QRSL1: variants seen among roughly 807,000 people sequenced by gnomAD.
The protein encoded by QRSL1 is glutamyl-tRNA(Gln) amidotransferase subunit A, mitochondrial.
QRSL1 carries 54 observed loss-of-function variants against 61.6 expected under a neutral mutation model. The observed-to-expected ratio is 0.88, with a 90% CI of 0.70 to 1.10. The LOEUF is 1.10. QRSL1 is among the 50% of genes least tolerant of loss of function. The probability of loss-of-function intolerance (pLI) is 0.00; values close to 1 mark genes in which losing one functional copy is unlikely to be tolerated. For missense variants in QRSL1, 505 were observed against 622.6 expected (o/e 0.81, Z 2.01); for synonymous variants, 228 against 225.7 (o/e 1.01, Z -0.09).
chr6:106,664,334 G>A (rs145748628), intron 10 of QRSL1, among the ~76,000 whole-genome samples: 1 of 152,308 alleles, frequency 6.6e-6, no homozygotes, highest in East Asian at 1.9e-4. Context: ...GAAAAGGAAA[G>A]TCTATTACAT....
chr6:106,643,562 C>G (rs752615326), intron 4 of QRSL1, among the ~76,000 whole-genome samples: 2 of 152,006 alleles, frequency 1.3e-5, no homozygotes, highest in Non-Finnish European at 2.9e-5. Context: ...TGCCTGTAAT[C>G]CCAGCTACTT....
chr6:106,646,010 G>A (rs1393493935), intron 4 of QRSL1, among the ~76,000 whole-genome samples: 1 of 152,110 alleles, frequency 6.6e-6, no homozygotes, highest in African/African-American at 2.4e-5. Context: ...TCCTTGCCTT[G>A]ATCTTGATCT....
At chr6:106,642,319 G>A (rs1176049619) in intron 3 of QRSL1, 5 of 295,960 alleles carry the variant, frequency 1.7e-5, no homozygotes, top group Middle Eastern at 2.3e-3. Flanking sequence ...GCCTCCCAAA[G>A]TTTTGGGATT....
intron 4 of QRSL1, among the ~76,000 whole-genome samples, chr6:106,644,982 A>C (rs1411367790): frequency 6.6e-6 from 1 of 152,196 alleles, no homozygotes; most frequent in African/African-American, 2.4e-5. Flanking sequence ...CTCCAGCACT[A>C]ATAATAAAAA....
In QRSL1 at chr6:106,659,357, C is replaced by T. The variant is rs1012244501; in HGVS notation, c.1161-3623C>T. Among the ~76,000 whole-genome samples, 6 of 151,518 alleles carry T rather than the reference C, an allele frequency of 4.0e-5. No individual in the cohort carries two copies. In the East Asian group the frequency reaches 5.8e-4, roughly 15 times the overall value. On this transcript the variant is annotated intron_variant, in intron 9 of 10. Coordinates refer to ENST00000369046, the MANE Select transcript of QRSL1 (RefSeq NM_018292.5). Reference sequence around the variant, plus strand: ...GCGTATGCCTGTAATTCCAGCTACTCGGGAGGCCAAGGTACAAGAATCACT... The same window carrying T: ...GCGTATGCCTGTAATTCCAGCTACTTGGGAGGCCAAGGTACAAGAATCACT...
chr6:106,637,273 A>T (rs113466807), intron 1 of QRSL1, among the ~76,000 whole-genome samples: 263 of 152,310 alleles, frequency 1.7e-3, no homozygotes, highest in African/African-American at 6.1e-3. Flanking sequence ...TGATGTATAT[A>T]GTCTAGACAG....
At chr6:106,662,632 C>A (rs186789066) in intron 9 of QRSL1, among the ~76,000 whole-genome samples, 17 of 152,196 alleles carry the variant, frequency 1.1e-4, no homozygotes, top group Admixed American at 1.1e-3. Flanking sequence ...GAGAAAGGGG[C>A]CCAGGGCAGA....
chr6:106,647,027 C>CAAAAAAAAAA (rs57402820), intron 4 of QRSL1, among the ~76,000 whole-genome samples: 1 of 81,444 alleles, frequency 1.2e-5, no homozygotes, highest in Non-Finnish European at 2.3e-5. Flanking sequence ...GACTCCTTCT[C>CAAAAAAAAAA]AAAAAAAAAA....
intron 1 of QRSL1, among the ~76,000 whole-genome samples, chr6:106,637,312 G>A (rs1776940325): frequency 6.6e-6 from 1 of 152,186 alleles, no homozygotes; most frequent in Non-Finnish European, 1.5e-5. Flanking sequence ...ACTGGGGTGA[G>A]GTGAAGGAAA....
Position 106,657,700 on chromosome 6 carries a change from G to A in QRSL1, c.1160+1968G>A, listed in dbSNP as rs572993394. On this transcript the variant is annotated intron_variant, in intron 9 of 10. Transcript: ENST00000369046. ...TTTTAAAAAGTCAACTTATGTGCCA[G>A]GAAGAGTTTATTTATTTATTTTTGA... Among the ~76,000 whole-genome samples, 3 of 152,120 alleles carry A rather than the reference G, an allele frequency of 2.0e-5. No homozygotes were observed. In the East Asian group the frequency reaches 5.8e-4, roughly 29 times the overall value.
rs1777048876 is a variant in QRSL1, at chr6:106,643,151, T to C, written c.380+61T>C. On this transcript the variant is annotated intron_variant, in intron 4 of 10. Coordinates refer to ENST00000369046, the MANE Select transcript of QRSL1 (RefSeq NM_018292.5). Reference sequence around the variant, plus strand: ...TGTCTGTGCCTTTATTTTCACTAAATGTAGTTACCTAAAAGGATTGAGGAT... The same window carrying C: ...TGTCTGTGCCTTTATTTTCACTAAACGTAGTTACCTAAAAGGATTGAGGAT... The C allele has an allele frequency of 6.2e-6, 7 of 1,138,008 alleles. No homozygotes were observed. The East Asian group carries it at 1.7e-4, about 27-fold the overall frequency. 70.5% of individuals were successfully genotyped at this position (1,138,008 alleles called of 1,614,324 possible). A position where few individuals can be genotyped will look rare whatever the true frequency, so the allele number is the denominator to read the frequency against.
intron 1 of QRSL1, among the ~76,000 whole-genome samples, chr6:106,637,620 C>G (rs2114699998): frequency 6.6e-6 from 1 of 152,258 alleles, no homozygotes; most frequent in East Asian, 1.9e-4. Flanking sequence ...ACTCTGGACT[C>G]TGTGGTATGT....
chr6:106,633,250 T>G (rs1776865583), intron 1 of QRSL1, among the ~76,000 whole-genome samples: 1 of 152,258 alleles, frequency 6.6e-6, no homozygotes, highest in Non-Finnish European at 1.5e-5. Flanking sequence ...GTCTACTTTG[T>G]ATTTTTTCCA....
At chr6:106,643,640 A>T (rs931414893) in intron 4 of QRSL1, among the ~76,000 whole-genome samples, 11 of 151,066 alleles carry the variant, frequency 7.3e-5, no homozygotes, top group African/African-American at 2.7e-4. Flanking sequence ...AGATCGCGCC[A>T]TTGCACTCCA....
At chr6:106,643,224 AATAG>A in intron 4 of QRSL1, 134 bp downstream of exon 4, 1 of 652,926 alleles carries the variant, frequency 1.5e-6, no homozygotes, top group Non-Finnish European at 2.6e-6. Flanking sequence ...TATGTTGTTT[AATAG>A]ATATATAGTC....
Position 106,640,904 on chromosome 6 carries a change from C to T in QRSL1, c.266C>T (p.Ala89Val). 1 of 1,612,650 alleles carries T rather than the reference C, an allele frequency of 6.2e-7. No homozygotes were observed. The highest frequency in any genetic ancestry group is 8.5e-7 in the Non-Finnish European group (1 of 1,178,996). ...FSTSGIETTCASNMLKGYIPP... is the reference protein window; with the variant it reads ...FSTSGIETTCVSNMLKGYIPP... ...ACTTCTGGCATTGAGACAACATGTGCATCAAATATGCTGAAAGGTAAAGTT... is the reference window on the plus strand; with the variant it reads ...ACTTCTGGCATTGAGACAACATGTGTATCAAATATGCTGAAAGGTAAAGTT... The change falls in exon 3 of 11, where the codon GCA becomes GTA. Residue 89 changes from alanine (A) to valine (V), a missense_variant. Ala to Val is a moderately conservative substitution (Grantham distance 64). Coordinates refer to ENST00000369046, the MANE Select transcript of QRSL1 (RefSeq NM_018292.5).
At position 106,652,239 on chromosome 6, in the gene QRSL1, C is replaced by G. The variant is rs199973725; in HGVS notation, c.588C>G (p.Thr196=). 1 of 1,613,998 alleles carries G rather than the reference C, an allele frequency of 6.2e-7. No homozygotes were observed. The highest frequency in any genetic ancestry group is 1.3e-5 in the African/African-American group (1 of 75,006). The change falls in exon 6 of 11, where the codon ACC becomes ACG. Residue 196 remains threonine (T), a synonymous_variant. Transcript: ENST00000369046. ...TAGGATCAGATACAGGAGGATCGAC[C>G]AGAAATCCTGCTGCCCACTGTGGGC... ...AALGSDTGGS[T]RNPAAHCGLV...
chr6:106,655,002 T>C (rs762232207), intron 8 of QRSL1, 80 bp downstream of exon 8: 16 of 1,289,582 alleles, frequency 1.2e-5, no homozygotes, highest in Non-Finnish European at 1.7e-5. Flanking sequence ...ACAAAAAAGT[T>C]AATGCTTGAG....
intron 10 of QRSL1, among the ~76,000 whole-genome samples, chr6:106,664,577 A>G (rs1309766505): frequency 6.6e-6 from 1 of 152,212 alleles, no homozygotes; most frequent in Admixed American, 6.5e-5. Flanking sequence ...TTAGCACTTA[A>G]AAAATGTTAA....
Sources: allele counts gnomAD v4.1 joint callset (sites outside exome capture counted in the v4.1 genomes callset), GRCh38; gene constraint gnomAD v4.1.1; transcripts MANE v1.5; gene names NCBI Gene and HGNC (gene_info 2026-07-23, HGNC 2026-07-21).